The following AGT variants were observed in gnomAD, a reference collection of about 807,000 sequenced individuals.
The protein encoded by AGT is alpha-1 antiproteinase, antitrypsin.
In AGT, 26 loss-of-function variants were observed where a neutral mutation model predicts 28.1. The observed-to-expected ratio is 0.92, with a 90% confidence interval of 0.68 to 1.28. The LOEUF is 1.28. Among genes scored for constraint, AGT ranks in the 50% most tolerant of loss-of-function variants. The pLI is 0.00. For synonymous variants in AGT, 259 were observed against 259.6 expected (o/e 1.00, Z 0.02); for missense variants, 596 against 592.3 (o/e 1.01, Z -0.06).
chr1:230,740,331 T>C (rs112654954), intron 1 of AGT, among the ~76,000 whole-genome samples: 6,495 of 152,204 alleles, frequency 0.043, 194 homozygotes, highest in Middle Eastern at 0.12. Context: ...TTGTGACCTG[T>C]ATCTTTGTGA....
chr1:230,736,373 G>T (rs1664156246), intron 1 of AGT, among the ~76,000 whole-genome samples: 1 of 151,966 alleles, frequency 6.6e-6, no homozygotes, highest in Admixed American at 6.6e-5. Flanking sequence ...AATACAAAAA[G>T]CCGGGCATGG....
At chr1:230,720,743 C>T (rs570954667) in intron 1 of AGT, among the ~76,000 whole-genome samples, 21 of 152,254 alleles carry the variant, frequency 1.4e-4, no homozygotes, top group African/African-American at 4.3e-4. Flanking sequence ...TTTTTGCATA[C>T]TCATAAACCA....
intron 2 of AGT, among the ~76,000 whole-genome samples, chr1:230,709,265 A>G (rs903889993): frequency 6.6e-6 from 1 of 152,174 alleles, no homozygotes; most frequent in African/African-American, 2.4e-5. Flanking sequence ...TATTTGTTAA[A>G]TGAATGCTTT....
At chr1:230,715,994 G>T (rs1326564150), upstream of AGT, among the ~76,000 whole-genome samples, 1 of 152,156 alleles carries the variant, frequency 6.6e-6, no homozygotes, top group Non-Finnish European at 1.5e-5. Flanking sequence ...TCTAAATTTG[G>T]CCTCTAAGCA....
chr1:230,710,456 G>C lies in AGT; in HGVS notation c.368C>G (p.Thr123Ser). ...SELWGVVHGA[T>S]VLSPTAVFGT... ...AAAGACAGCCGTTGGGGAGAGGACG[G>C]TGGCCCCATGGACCACGCCCCATAG... The change falls in exon 2 of 5, where the codon ACC (threonine) becomes AGC (serine). Residue 123 changes from threonine (T) to serine (S), a missense_variant. Transcript: ENST00000366667. 1 of 1,614,232 alleles carries C rather than the reference G, an allele frequency of 6.2e-7. No individual in the cohort carries two copies. The highest frequency in any genetic ancestry group is 8.5e-7 in the Non-Finnish European group (1 of 1,180,040).
At chr1:230,732,211 G>A (rs1664082329) in intron 1 of AGT, among the ~76,000 whole-genome samples, 1 of 152,116 alleles carries the variant, frequency 6.6e-6, no homozygotes. Flanking sequence ...ATATTGCTCA[G>A]GCTGGTCTCA....
intron 1 of AGT, among the ~76,000 whole-genome samples, chr1:230,728,308 T>A (rs934709185): frequency 1.3e-5 from 2 of 152,212 alleles, no homozygotes; most frequent in African/African-American, 4.8e-5. Flanking sequence ...TATGTCTACA[T>A]CTCAGCAGAA....
intron 2 of AGT, among the ~76,000 whole-genome samples, chr1:230,706,594 G>A (rs1558286623): frequency 6.6e-6 from 1 of 152,160 alleles, no homozygotes; most frequent in East Asian, 1.9e-4. Context: ...TTTAAGAGAT[G>A]TTATTTTTTA....
chr1:230,708,322 T>A (rs777522635), intron 2 of AGT, among the ~76,000 whole-genome samples: 1 of 152,178 alleles, frequency 6.6e-6, no homozygotes, highest in Non-Finnish European at 1.5e-5. Context: ...TGCCACTGGC[T>A]TTCTTGCCTT....
chr1:230,731,152 C>T (rs1433555714), intron 1 of AGT, among the ~76,000 whole-genome samples: 1 of 152,188 alleles, frequency 6.6e-6, no homozygotes, highest in Non-Finnish European at 1.5e-5. Flanking sequence ...GAGTTCATAT[C>T]CAAGGTCACT....
At chr1:230,722,991 C>G (rs930663665) in intron 1 of AGT, among the ~76,000 whole-genome samples, 2 of 152,084 alleles carry the variant, frequency 1.3e-5, no homozygotes, top group Non-Finnish European at 2.9e-5. Context: ...AATTTCATCT[C>G]GAATTGTAAT....
upstream of AGT, among the ~76,000 whole-genome samples, chr1:230,718,785 G>C (rs1181223125): frequency 1.4e-5 from 2 of 146,510 alleles, no homozygotes; most frequent in African/African-American, 5.1e-5. Context: ...GAGTGCAGTG[G>C]CACAATCATG....
chr1:230,712,161 G>T (rs1417252271), intron 1 of AGT, among the ~76,000 whole-genome samples: 2 of 152,162 alleles, frequency 1.3e-5, no homozygotes, highest in Non-Finnish European at 2.9e-5. Context: ...TCCCCCCAGG[G>T]CTAGGCCAGG....
intron 1 of AGT, among the ~76,000 whole-genome samples, chr1:230,735,006 G>A (rs764978866): frequency 3.3e-5 from 5 of 152,064 alleles, no homozygotes; most frequent in Non-Finnish European, 7.4e-5. Flanking sequence ...GAGCCATCGC[G>A]CCCGGCCATA....
intron 1 of AGT, among the ~76,000 whole-genome samples, chr1:230,733,781 G>A (rs1484730217): frequency 2.0e-5 from 3 of 152,118 alleles, no homozygotes; most frequent in Admixed American, 6.5e-5. Flanking sequence ...TGATTTGATG[G>A]GGCCATTTGA....
chr1:230,728,396 T>A (rs1663991275), intron 1 of AGT, among the ~76,000 whole-genome samples: 2 of 152,162 alleles, frequency 1.3e-5, no homozygotes, highest in African/African-American at 4.8e-5. Flanking sequence ...GGAAGGTCTA[T>A]CATCATTTAA....
intron 2 of AGT, 82 bp downstream of exon 2, chr1:230,709,913 C>G: frequency 6.3e-7 from 1 of 1,598,572 alleles, no homozygotes; most frequent in Non-Finnish European, 8.6e-7. Context: ...CCCTGCCCAT[C>G]TCCAAGGCCT....
At chr1:230,711,176 A>C (rs1416744206) in intron 1 of AGT, among the ~76,000 whole-genome samples, 1 of 152,208 alleles carries the variant, frequency 6.6e-6, no homozygotes, top group African/African-American at 2.4e-5. Context: ...TGATTAAGTT[A>C]AAATGAGGCC....
Position 230,708,117 on chromosome 1 carries a change from C to T in AGT, c.829+1878G>A, listed in dbSNP as rs192665988. On this transcript the variant is annotated intron_variant, in intron 2 of 4. Coordinates refer to ENST00000366667, the MANE Select transcript of AGT (RefSeq NM_001384479.1). ...GGCAGGAAGTGGCTGCCTCCTTTGA[C>T]GGAAACTGAGGCCAGCAAAGTTAGG... Among the ~76,000 whole-genome samples, 497 of 152,326 alleles carry T rather than the reference C, an allele frequency of 3.3e-3. 4 individuals carry two copies. The highest frequency in any genetic ancestry group is 3.6e-3 in the Non-Finnish European group (243 of 68,022).
Sources: allele counts gnomAD v4.1 joint callset (sites outside exome capture counted in the v4.1 genomes callset), GRCh38; gene constraint gnomAD v4.1.1; transcripts MANE v1.5; gene names NCBI Gene and HGNC (gene_info 2026-07-23, HGNC 2026-07-21).